OSBPL9: variants seen among roughly 807,000 people sequenced by gnomAD.
The protein encoded by OSBPL9 is oxysterol binding protein like 9.
In OSBPL9, 40 loss-of-function variants were observed where a neutral mutation model predicts 106.6. The ratio of observed to expected loss-of-function variants is 0.38; its 90% CI spans 0.29 to 0.49. OSBPL9 has a LOEUF of 0.49. OSBPL9 is among the 20% of genes least tolerant of loss of function. The pLI, the probability that OSBPL9 is intolerant of heterozygous loss-of-function variation, is 0.97. For missense variants in OSBPL9, 609 were observed against 887.2 expected (o/e 0.69, Z 3.98); for synonymous variants, 269 against 295.4 (o/e 0.91, Z 0.92).
rs888822257 is a variant in OSBPL9, at chr1:51,788,176, ATATACACACACATACG to A, written c.*403_*418del. 5.8e-5 allele frequency: 12 copies of A among 206,138 alleles called. No homozygotes were observed. In the East Asian group the frequency reaches 7.5e-4, roughly 13 times the overall value. 12.8% of individuals were successfully genotyped at this position (206,138 alleles called of 1,614,324 possible). A position where few individuals can be genotyped will look rare whatever the true frequency, so the allele number is the denominator to read the frequency against. ...GGGATACACACACACACACACATAT[ATATACACACACATACG>A]TATACACACACATACATATATATAA... On this transcript the variant is annotated 3_prime_UTR_variant, in exon 24 of 24. Transcript: ENST00000428468.
the OSBPL9 span, chr1:51,560,896 A>T: frequency 6.6e-6 from 1 of 152,240 alleles, no homozygotes; most frequent in Non-Finnish European, 1.5e-5. Context: ...ACCTCCAAGG[A>T]TCACGTAGGA....
chr1:51,730,469 A>AT (rs1664132183), intron 4 of OSBPL9, among the ~76,000 whole-genome samples: 1 of 152,046 alleles, frequency 6.6e-6, no homozygotes, highest in African/African-American at 2.4e-5. Flanking sequence ...CTGGCCCTGT[A>AT]TTTTTTGTGT....
the OSBPL9 span, among the ~76,000 whole-genome samples, chr1:51,543,253 AT>A: frequency 6.6e-6 from 1 of 152,202 alleles, no homozygotes; most frequent in Admixed American, 6.5e-5. Context: ...CAATAAAGAG[AT>A]TTGAATTTGT....
chr1:51,551,221 A>G, the OSBPL9 span, among the ~76,000 whole-genome samples: 35 of 152,312 alleles, frequency 2.3e-4, 1 homozygote, highest in South Asian at 6.4e-3. Flanking sequence ...CCACAATCCC[A>G]GTTACAGTTC....
At chr1:51,701,465 A>AT (rs1657222123) in intron 3 of OSBPL9, among the ~76,000 whole-genome samples, 1 of 151,910 alleles carries the variant, frequency 6.6e-6, no homozygotes, top group South Asian at 2.1e-4. Context: ...TGTATTTCTA[A>AT]TTTTTTTCTG....
chr1:51,708,430 T>C (rs1659092298), intron 3 of OSBPL9, among the ~76,000 whole-genome samples: 1 of 152,148 alleles, frequency 6.6e-6, no homozygotes, highest in South Asian at 2.1e-4. Flanking sequence ...GTTTTACATT[T>C]GTTGTATTCA....
chr1:51,563,216 A>C, the OSBPL9 span, among the ~76,000 whole-genome samples: 4 of 152,100 alleles, frequency 2.6e-5, no homozygotes, highest in Non-Finnish European at 5.9e-5. Context: ...TCTCAAAATA[A>C]ATGAATAAAT....
chr1:51,691,554 G>A (rs955093989), intron 3 of OSBPL9, among the ~76,000 whole-genome samples: 2 of 151,638 alleles, frequency 1.3e-5, no homozygotes, highest in Admixed American at 1.3e-4. Flanking sequence ...CCAAAGTGCT[G>A]GGATTACAGG....
At chr1:51,707,912 C>G (rs1658949634) in intron 3 of OSBPL9, 1 of 248,866 alleles carries the variant, frequency 4.0e-6, no homozygotes, top group Admixed American at 3.9e-5. Context: ...GGATCTCACT[C>G]CTGGAAGATG....
chr1:51,548,375 A>T, the OSBPL9 span, among the ~76,000 whole-genome samples: 2 of 151,898 alleles, frequency 1.3e-5, no homozygotes, highest in African/African-American at 2.4e-5. Flanking sequence ...CTGAGATTAC[A>T]TGTGTGAGCC....
chr1:51,633,123 A>AT (rs1216747686), intron 1 of OSBPL9, among the ~76,000 whole-genome samples: 1 of 151,542 alleles, frequency 6.6e-6, no homozygotes, highest in Non-Finnish European at 1.5e-5. Flanking sequence ...CGCCTGGCTA[A>AT]TTTTTTTATA....
intron 1 of OSBPL9, chr1:51,583,731 C>A (rs1645233522): frequency 6.6e-6 from 1 of 152,160 alleles, no homozygotes; most frequent in South Asian, 2.1e-4. Flanking sequence ...GTTCCTCAGC[C>A]CTGCTGAGCT....
At chr1:51,723,766 C>A (rs559195434) in intron 4 of OSBPL9, among the ~76,000 whole-genome samples, 1 of 152,154 alleles carries the variant, frequency 6.6e-6, no homozygotes, top group African/African-American at 2.4e-5. Flanking sequence ...TGAAGAATAT[C>A]TTGGTTGCTT....
chr1:51,669,744 T>C (rs1310096387), intron 3 of OSBPL9: 2 of 629,462 alleles, frequency 3.2e-6, no homozygotes, highest in African/African-American at 1.8e-5. Flanking sequence ...AGATGAAAAT[T>C]TTAAAGGATA....
intron 2 of OSBPL9, among the ~76,000 whole-genome samples, chr1:51,657,840 G>A (rs1229856274): frequency 1.3e-5 from 2 of 152,176 alleles, no homozygotes; most frequent in Non-Finnish European, 2.9e-5. Context: ...GCTCATGCCT[G>A]TAATCCCAGC....
chr1:51,610,210 G>A (rs1301095797), intron 2 of OSBPL9, among the ~76,000 whole-genome samples: 1 of 152,158 alleles, frequency 6.6e-6, no homozygotes, highest in African/African-American at 2.4e-5. Context: ...CACAGGTGTG[G>A]GTGTCCAAAG....
chr1:51,696,400 A>AAACAAC (rs774789421), intron 3 of OSBPL9, among the ~76,000 whole-genome samples: 3 of 152,238 alleles, frequency 2.0e-5, no homozygotes, highest in Admixed American at 6.5e-5. Flanking sequence ...AGTCCTCTAA[A>AAACAAC]AACAACAACA....
intron 11 of OSBPL9, among the ~76,000 whole-genome samples, chr1:51,762,521 A>G (rs1190301107): frequency 6.6e-6 from 1 of 152,164 alleles, no homozygotes; most frequent in African/African-American, 2.4e-5. Context: ...CTTAACATTT[A>G]TTTGGTGATC....
chr1:51,557,045 C>T, the OSBPL9 span, among the ~76,000 whole-genome samples: 7 of 151,908 alleles, frequency 4.6e-5, no homozygotes. Flanking sequence ...TTACAAGTTG[C>T]ATGCCTGTAT....
Sources: gnomAD v4.1 joint callset for allele counts (sites outside exome capture counted in the v4.1 genomes callset) on GRCh38, gnomAD v4.1.1 for gene constraint, MANE v1.5 for transcripts, NCBI Gene and HGNC (gene_info 2026-07-23, HGNC 2026-07-21) for gene names.